Variants in UPRT observed in about 807,000 individuals in gnomAD.
UPRT encodes uracil phosphoribosyltransferase homolog.
UPRT carries 5 observed loss-of-function variants against 22.6 expected under a neutral mutation model. That is an observed-to-expected ratio of 0.22 (90% CI 0.12 to 0.47). UPRT has a LOEUF of 0.47. UPRT is among the 20% of genes least tolerant of loss of function. The probability of loss-of-function intolerance (pLI) is 0.99; values close to 1 mark genes in which losing one functional copy is unlikely to be tolerated. For missense variants in UPRT, 181 were observed against 239.9 expected (o/e 0.75, Z 1.62); for synonymous variants, 77 against 87.7 (o/e 0.88, Z 0.68).
At chrX:75,250,515 A>C (rs1293305681) in intron 4 of UPRT, among the ~76,000 whole-genome samples, 2 of 111,949 alleles carry the variant, frequency 1.8e-5, no homozygotes, top group African/African-American at 6.5e-5. Context: ...AACCAGGAAG[A>C]AGTTCAATCC....
intron 4 of UPRT, among the ~76,000 whole-genome samples, chrX:75,246,706 T>A (rs1008546366): frequency 9.0e-6 from 1 of 111,625 alleles, no homozygotes; most frequent in Non-Finnish European, 1.9e-5. Context: ...GTTGAACCAG[T>A]TTACAGTCCC....
intron 2 of UPRT, among the ~76,000 whole-genome samples, chrX:75,295,768 CATT>C (rs2082723666): frequency 8.9e-6 from 1 of 111,786 alleles, no homozygotes; most frequent in Non-Finnish European, 1.9e-5. Flanking sequence ...TTGTACCACA[CATT>C]ATGATTGATA....
At chrX:75,235,411 G>C (rs914379456) in intron 4 of UPRT, among the ~76,000 whole-genome samples, 2 of 111,921 alleles carry the variant, frequency 1.8e-5, no homozygotes, top group Non-Finnish European at 3.8e-5. Context: ...AATAGAAAAA[G>C]AGGGAATCCT....
At chrX:75,157,623 A>G (rs779061668) in intron 1 of UPRT, among the ~76,000 whole-genome samples, 2 of 111,947 alleles carry the variant, frequency 1.8e-5, no homozygotes, top group South Asian at 3.8e-4. Context: ...GGAGAGTAAC[A>G]TGATCAGATT....
At chrX:75,242,535 C>G (rs1202801740) in intron 4 of UPRT, among the ~76,000 whole-genome samples, 3 of 110,489 alleles carry the variant, frequency 2.7e-5, no homozygotes, top group Non-Finnish European at 5.7e-5. Flanking sequence ...GACCTGGGTT[C>G]TAGAAAGCCA....
chrX:75,258,198 T>TG (rs1162897779), intron 4 of UPRT, among the ~76,000 whole-genome samples: 2 of 104,452 alleles, frequency 1.9e-5, no homozygotes, highest in Non-Finnish European at 3.9e-5. Context: ...CAGGTGTTTT[T>TG]TTTTTTTTTT....
At chrX:75,179,205 CAG>C (rs2082260757) in intron 4 of UPRT, among the ~76,000 whole-genome samples, 1 of 110,468 alleles carries the variant, frequency 9.1e-6, no homozygotes, top group South Asian at 4.0e-4. Context: ...CAGCTAGACA[CAG>C]AGTGTCGATT....
intron 4 of UPRT, among the ~76,000 whole-genome samples, chrX:75,250,262 G>T (rs1480616966): frequency 9.1e-6 from 1 of 109,742 alleles, no homozygotes; most frequent in African/African-American, 3.3e-5. Flanking sequence ...AAAAATTAAT[G>T]AATTCAGGAG....
intron 4 of UPRT, among the ~76,000 whole-genome samples, chrX:75,203,567 C>T (rs2082354643): frequency 9.1e-6 from 1 of 109,635 alleles, no homozygotes; most frequent in Admixed American, 9.8e-5. Flanking sequence ...CAAATGCAGG[C>T]TTTATGTCCA....
intron 2 of UPRT, among the ~76,000 whole-genome samples, chrX:75,161,742 T>A (rs1261036191): frequency 2.7e-5 from 3 of 111,887 alleles, no homozygotes; most frequent in Non-Finnish European, 5.6e-5. Context: ...TTCCCAAGAT[T>A]GCTTACCTAG....
chrX:75,231,032 A>G (rs893637509), intron 4 of UPRT, among the ~76,000 whole-genome samples: 1 of 51,406 alleles, frequency 1.9e-5, no homozygotes, highest in Non-Finnish European at 4.0e-5. Context: ...TGGTAATATG[A>G]CAAAACAAGG....
chrX:75,240,989 C>T (rs1305283906), intron 4 of UPRT, among the ~76,000 whole-genome samples: 5 of 110,881 alleles, frequency 4.5e-5, no homozygotes, highest in African/African-American at 1.6e-4. Context: ...AAGATAACAT[C>T]AGAAAAACTC....
rs980032150 is a variant in UPRT, at chrX:75,212,575, G to C, written c.-447+44696G>C. ...CAATGATAGACTGGATAAAGAAAATGTGGTACATACACACCACGGAATACT... is the reference window on the plus strand; with the variant it reads ...CAATGATAGACTGGATAAAGAAAATCTGGTACATACACACCACGGAATACT... On this transcript the variant is annotated intron_variant, in intron 4 of 13. Coordinates refer to the UPRT transcript ENST00000652605. 4.5e-5 allele frequency among the ~76,000 whole-genome samples: 5 copies of C among 112,319 alleles called. No homozygotes were observed. In the Admixed American group the frequency reaches 4.7e-4, roughly 11 times the overall value.
chrX:75,276,082 C>G, intron 1 of UPRT, among the ~76,000 whole-genome samples: 1 of 111,601 alleles, frequency 9.0e-6, no homozygotes, highest in Middle Eastern at 4.6e-3. Flanking sequence ...TGTTTCTGCT[C>G]TCATCTGGAA....
intron 4 of UPRT, among the ~76,000 whole-genome samples, chrX:75,299,154 C>T (rs1366162917): frequency 8.9e-6 from 1 of 112,270 alleles, no homozygotes; most frequent in Non-Finnish European, 1.9e-5. Flanking sequence ...GTTCAGAAAT[C>T]AACGGTGGTA....
At chrX:75,186,748 G>C in intron 4 of UPRT, among the ~76,000 whole-genome samples, 1 of 112,113 alleles carries the variant, frequency 8.9e-6, no homozygotes, top group Non-Finnish European at 1.9e-5. Flanking sequence ...AGCTCTTCTT[G>C]TTGAATTGAT....
intron 4 of UPRT, among the ~76,000 whole-genome samples, chrX:75,235,098 G>T (rs1602465675): frequency 9.0e-6 from 1 of 111,470 alleles, no homozygotes; most frequent in Non-Finnish European, 1.9e-5. Flanking sequence ...AAATGATAAA[G>T]GATATATCAC....
intron 4 of UPRT, among the ~76,000 whole-genome samples, chrX:75,208,335 A>T (rs1354641193): frequency 9.0e-6 from 1 of 111,547 alleles, no homozygotes; most frequent in Non-Finnish European, 1.9e-5. Context: ...TGCTAGGAGC[A>T]AGGGGAAGTT....
chrX:75,293,601 T>A (rs1391909746), intron 2 of UPRT, 87 bp downstream of exon 2: 6 of 965,211 alleles, frequency 6.2e-6, no homozygotes, highest in Middle Eastern at 5.6e-4. Context: ...TTCTAGAGCA[T>A]TCTGGGGCTG....
Sources: allele counts gnomAD v4.1 joint callset (sites outside exome capture counted in the v4.1 genomes callset), GRCh38; gene constraint gnomAD v4.1.1; transcripts MANE v1.5; gene names NCBI Gene and HGNC (gene_info 2026-07-23, HGNC 2026-07-21).